The following MBNL1 variants were observed in gnomAD, a reference collection of about 807,000 sequenced individuals.
The protein encoded by MBNL1 is muscleblind-like protein 1.
MBNL1 carries 8 observed loss-of-function variants against 42.2 expected under a neutral mutation model. The observed-to-expected ratio is 0.19, with a 90% CI of 0.11 to 0.34. The LOEUF is 0.34. Ranked by LOEUF, MBNL1 falls within the 10% of genes least tolerant of loss-of-function variation. The pLI is 1.00. For synonymous variants in MBNL1, 169 were observed against 173.9 expected (o/e 0.97, Z 0.22); for missense variants, 309 against 495.3 (o/e 0.62, Z 3.57).
At chr3:152,278,819 A>G (rs1469895978) in intron 1 of MBNL1, among the ~76,000 whole-genome samples, 3 of 152,172 alleles carry the variant, frequency 2.0e-5, no homozygotes, top group African/African-American at 7.2e-5. Flanking sequence ...TTTAAAGTCA[A>G]AGGATTGTAG....
intron 3 of MBNL1, among the ~76,000 whole-genome samples, chr3:152,424,572 A>G (rs1469575252): frequency 2.0e-5 from 3 of 152,104 alleles, no homozygotes; most frequent in Non-Finnish European, 4.4e-5. Context: ...AGAAAAAAAA[A>G]AAAACTACTT....
intron 1 of MBNL1, among the ~76,000 whole-genome samples, chr3:152,293,011 C>G (rs2056851728): frequency 1.3e-5 from 2 of 152,248 alleles, no homozygotes; most frequent in South Asian, 4.2e-4. Context: ...TCAAGCAGTC[C>G]TCCACTTCAG....
intron 2 of MBNL1, among the ~76,000 whole-genome samples, chr3:152,319,943 A>T (rs1015138050): frequency 6.6e-6 from 1 of 152,124 alleles, no homozygotes; most frequent in Non-Finnish European, 1.5e-5. Context: ...GAAAATGAAT[A>T]GCTTCACTTT....
At chr3:152,279,189 CAGAT>C (rs2046982662) in intron 1 of MBNL1, among the ~76,000 whole-genome samples, 1 of 152,074 alleles carries the variant, frequency 6.6e-6, no homozygotes, top group African/African-American at 2.4e-5. Flanking sequence ...TGGAAAAAAA[CAGAT>C]AGACAACCTG....
chr3:152,463,688 A>C lies in MBNL1; in HGVS notation c.*1322A>C, dbSNP rs568996591. On this transcript the variant is annotated 3_prime_UTR_variant, in exon 10 of 10. Transcript: ENST00000324210. ...ATAGCCTTAGAAAGCCTTTTACAAA[A>C]TTAAAAAAAAAATAGATGTGCATTC... is the stretch of plus-strand genomic sequence containing the variant. 1 of 152,526 alleles carries C rather than the reference A, an allele frequency of 6.6e-6. No individual in the cohort carries two copies. The highest frequency in any genetic ancestry group is 2.1e-4 in the South Asian group (1 of 4,830). 9.4% of individuals were successfully genotyped at this position (152,526 alleles called of 1,614,324 possible). A position where few individuals can be genotyped will look rare whatever the true frequency, so the allele number is the denominator to read the frequency against.
chr3:152,401,913 T>C (rs2098238812), intron 2 of MBNL1, among the ~76,000 whole-genome samples: 1 of 151,442 alleles, frequency 6.6e-6, no homozygotes, highest in South Asian at 2.1e-4. Context: ...GCACCTGTAG[T>C]CCCACCTACT....
At chr3:152,327,350 TTTC>T (rs1270632941) in intron 2 of MBNL1, among the ~76,000 whole-genome samples, 3 of 152,032 alleles carry the variant, frequency 2.0e-5, no homozygotes, top group African/African-American at 7.2e-5. Context: ...CTTTTCTTTC[TTTC>T]TTTTTTTTTA....
At chr3:152,390,613 G>GCGCACACACACACA (rs34259730) in intron 2 of MBNL1, among the ~76,000 whole-genome samples, 2 of 147,156 alleles carry the variant, frequency 1.4e-5, no homozygotes, top group Non-Finnish European at 3.0e-5. Context: ...GTATTGTTAT[G>GCGCACACACACACA]CACACACACA....
intron 2 of MBNL1, among the ~76,000 whole-genome samples, chr3:152,250,022 C>A (rs1365613536): frequency 4.0e-5 from 6 of 149,896 alleles, no homozygotes; most frequent in Non-Finnish European, 8.9e-5. Context: ...GTTACTGTAG[C>A]CTTGTAGTAT....
intron 3 of MBNL1, among the ~76,000 whole-genome samples, chr3:152,418,262 G>T (rs1201674146): frequency 6.6e-6 from 1 of 152,218 alleles, no homozygotes; most frequent in East Asian, 1.9e-4. Context: ...TACACAGCTA[G>T]TGAGTAGCAA....
At chr3:152,271,517 C>T (rs2041897755) in intron 1 of MBNL1, among the ~76,000 whole-genome samples, 1 of 152,102 alleles carries the variant, frequency 6.6e-6, no homozygotes, top group African/African-American at 2.4e-5. Context: ...TCTTGCTGCA[C>T]CTTCTGGCTT....
intron 2 of MBNL1, among the ~76,000 whole-genome samples, chr3:152,300,701 A>G (rs905436975): frequency 1.3e-5 from 2 of 152,180 alleles, no homozygotes; most frequent in East Asian, 3.8e-4. Flanking sequence ...ATATGCATAT[A>G]TTATATATAA....
At chr3:152,444,653 T>C (rs1355735333) in intron 4 of MBNL1, among the ~76,000 whole-genome samples, 1 of 152,214 alleles carries the variant, frequency 6.6e-6, no homozygotes, top group Non-Finnish European at 1.5e-5. Context: ...TGCTGCTGTT[T>C]AACCAATCTA....
chr3:152,330,079 TACTGACGTTATTAG>T (rs1417295410), intron 2 of MBNL1, among the ~76,000 whole-genome samples: 1 of 152,158 alleles, frequency 6.6e-6, no homozygotes, highest in Non-Finnish European at 1.5e-5. Flanking sequence ...CCCTAGTCTC[TACTGACGTTATTAG>T]GGACATTAGT....
chr3:152,407,044 C>T (rs1402560693), intron 2 of MBNL1, among the ~76,000 whole-genome samples: 2 of 102,508 alleles, frequency 2.0e-5, no homozygotes, highest in African/African-American at 7.1e-5. Flanking sequence ...AATTGTTAAG[C>T]CACTGTGTGT....
At chr3:152,390,928 C>T (rs7618478) in intron 2 of MBNL1, among the ~76,000 whole-genome samples, 9,065 of 152,094 alleles carry the variant, frequency 0.06, 814 homozygotes, top group East Asian at 0.31. Flanking sequence ...GATGTGAGAG[C>T]GAGACTAGAA....
intron 2 of MBNL1, among the ~76,000 whole-genome samples, chr3:152,329,659 A>G (rs116069920): frequency 0.08 from 10,588 of 132,324 alleles, 491 homozygotes; most frequent in Middle Eastern, 0.17. Flanking sequence ...AGAAATATAC[A>G]TATATATTTT....
At chr3:152,328,410 TTAAG>T (rs1483273644) in intron 2 of MBNL1, among the ~76,000 whole-genome samples, 1 of 152,106 alleles carries the variant, frequency 6.6e-6, no homozygotes, top group African/African-American at 2.4e-5. Context: ...AGGTAATTAT[TTAAG>T]TAATTACTGT....
chr3:152,301,048 G>A (rs1294548166), intron 2 of MBNL1: 1 of 278,434 alleles, frequency 3.6e-6, no homozygotes, highest in East Asian at 1.7e-4. Flanking sequence ...AAATTCTAAT[G>A]TGAATTAGCA....
Sources: allele counts gnomAD v4.1 joint callset (sites outside exome capture counted in the v4.1 genomes callset), GRCh38; gene constraint gnomAD v4.1.1; transcripts MANE v1.5; gene names NCBI Gene and HGNC (gene_info 2026-07-23, HGNC 2026-07-21).